The following PKIB variants were observed in gnomAD, a reference collection of about 807,000 sequenced individuals.
The protein encoded by PKIB is PKI-beta.
In PKIB, 2 loss-of-function variants were observed where a neutral mutation model predicts 4.5. The observed-to-expected ratio is 0.44, with a 90% CI of 0.18 to 1.39. PKIB has a LOEUF of 1.39. Ranked by LOEUF, PKIB falls within the 40% of genes most tolerant of loss-of-function variation. The pLI, the probability that PKIB is intolerant of heterozygous loss-of-function variation, is 0.27. For synonymous variants in PKIB, 38 were observed against 36.0 expected (o/e 1.06, Z -0.20); for missense variants, 94 against 92.6 (o/e 1.02, Z -0.06).
intron 2 of PKIB, among the ~76,000 whole-genome samples, chr6:122,504,528 A>G (rs77175665): frequency 6.6e-5 from 10 of 152,218 alleles, no homozygotes; most frequent in Admixed American, 2.6e-4. Context: ...ACTTGATGTC[A>G]GTCTCTCTGA....
chr6:122,564,313 C>G (rs1773118183), intron 2 of PKIB, among the ~76,000 whole-genome samples: 1 of 152,164 alleles, frequency 6.6e-6, no homozygotes, highest in South Asian at 2.1e-4. Context: ...CTTCTGCAAG[C>G]TGTTCTGTCC....
intron 2 of PKIB, among the ~76,000 whole-genome samples, chr6:122,576,689 A>AAAAAATATATATATATATAT (rs1345822382): frequency 1.2e-4 from 4 of 34,316 alleles, no homozygotes; most frequent in Non-Finnish European, 1.9e-4. Flanking sequence ...AAAAAAAAAA[A>AAAAAATATATATATATATAT]ATATATATAT....
intron 2 of PKIB, among the ~76,000 whole-genome samples, chr6:122,573,537 A>G (rs1468427130): frequency 6.8e-6 from 1 of 147,966 alleles, no homozygotes; most frequent in Non-Finnish European, 1.5e-5. Flanking sequence ...AAAAAAAAAA[A>G]GAAAAAGAAA....
intron 2 of PKIB, chr6:122,484,090 C>T (rs1423139628): frequency 1.3e-5 from 2 of 150,674 alleles, no homozygotes; most frequent in Admixed American, 6.6e-5. Flanking sequence ...GGAGAAGGGG[C>T]TTGGTAAACA....
intron 2 of PKIB, among the ~76,000 whole-genome samples, chr6:122,553,351 A>ATACTCAGTTTTCAG (rs1369096502): frequency 6.6e-6 from 1 of 152,152 alleles, no homozygotes; most frequent in Non-Finnish European, 1.5e-5. Flanking sequence ...CACCAACCGA[A>ATACTCAGTTTTCAG]TACTCAGTTT....
intron 3 of PKIB, among the ~76,000 whole-genome samples, chr6:122,587,217 C>T (rs2114718499): frequency 6.6e-6 from 1 of 152,210 alleles, no homozygotes; most frequent in African/African-American, 2.4e-5. Context: ...TGATGTTCCC[C>T]TTCCTGTGTC....
intron 2 of PKIB, among the ~76,000 whole-genome samples, chr6:122,569,627 A>T (rs1773299784): frequency 6.6e-6 from 1 of 152,186 alleles, no homozygotes; most frequent in South Asian, 2.1e-4. Flanking sequence ...CACTGCTGGG[A>T]GACTTGAAGA....
At chr6:122,626,632 A>C (rs1775456782) in intron 1 of PKIB, among the ~76,000 whole-genome samples, 1 of 152,250 alleles carries the variant, frequency 6.6e-6, no homozygotes, top group Non-Finnish European at 1.5e-5. Flanking sequence ...CATTCTGGAC[A>C]GATGAAGCAG....
intron 3 of PKIB, chr6:122,586,156 T>C (rs1177072716): frequency 2.6e-5 from 4 of 152,146 alleles, no homozygotes; most frequent in Non-Finnish European, 4.4e-5. Flanking sequence ...TTAAAAATCA[T>C]CTACTCAAGA....
upstream of PKIB, chr6:122,610,276 C>T (rs1274527179): frequency 6.6e-6 from 1 of 152,252 alleles, no homozygotes; most frequent in Non-Finnish European, 1.5e-5. Context: ...GATGCGGTGG[C>T]CCGGTTTGCA....
intron 3 of PKIB, chr6:122,701,338 C>A: frequency 2.2e-6 from 2 of 928,028 alleles, no homozygotes; most frequent in Non-Finnish European, 1.6e-6. Flanking sequence ...CAGTGACAGT[C>A]ACCAGGCTAG....
At chr6:122,506,761 G>A (rs577646024) in intron 2 of PKIB, among the ~76,000 whole-genome samples, 11 of 145,320 alleles carry the variant, frequency 7.6e-5, no homozygotes, top group Middle Eastern at 3.5e-3. Flanking sequence ...GTGCAGTGGC[G>A]CAATCTCGGC....
intron 3 of PKIB, among the ~76,000 whole-genome samples, chr6:122,589,449 G>C (rs560063636): frequency 7.9e-5 from 12 of 152,226 alleles, no homozygotes; most frequent in East Asian, 7.7e-4. Flanking sequence ...ATGTTAAACT[G>C]AGATAGAGAT....
intron 3 of PKIB, among the ~76,000 whole-genome samples, chr6:122,715,171 TGAA>T (rs1779432856): frequency 1.3e-5 from 2 of 152,064 alleles, no homozygotes; most frequent in Admixed American, 6.5e-5. Context: ...CCCATCTTGC[TGAA>T]GAAGTTTACC....
At chr6:122,590,990 T>C (rs1774000651) in intron 3 of PKIB, among the ~76,000 whole-genome samples, 1 of 151,990 alleles carries the variant, frequency 6.6e-6, no homozygotes, top group African/African-American at 2.4e-5. Context: ...TTGCTTATCA[T>C]GGAGTATCTT....
chr6:122,651,639 C>A (rs1008921475), intron 2 of PKIB, among the ~76,000 whole-genome samples: 1 of 152,156 alleles, frequency 6.6e-6, no homozygotes, highest in Non-Finnish European at 1.5e-5. Context: ...ATCAATCCTC[C>A]TACTTTAACA....
intron 1 of PKIB, among the ~76,000 whole-genome samples, chr6:122,472,968 C>T (rs758635690): frequency 2.0e-5 from 3 of 151,996 alleles, no homozygotes; most frequent in South Asian, 2.1e-4. Flanking sequence ...AAAAATTAGC[C>T]GGGCATGGTG....
chr6:122,591,554 A>T lies in PKIB; in HGVS notation c.-161+5547A>T, dbSNP rs9482256. On this transcript the variant is annotated intron_variant, in intron 3 of 6. Coordinates refer to the PKIB transcript ENST00000392491. Reference sequence around the variant, plus strand: ...ATTTAGCCAATGAGATTATTTTTGTATATTAGACTTCATTCAGTAGAATAG... The same window carrying T: ...ATTTAGCCAATGAGATTATTTTTGTTTATTAGACTTCATTCAGTAGAATAG... Among the ~76,000 whole-genome samples the T allele has an allele frequency of 5.8e-4, 88 of 152,208 alleles. 1 individual carries two copies. Among genetic ancestry groups the T allele is most frequent in the African/African-American group, 2.0e-3 (82 of 41,534 alleles).
At chr6:122,669,830 A>G (rs1468368176) in intron 2 of PKIB, among the ~76,000 whole-genome samples, 1 of 152,014 alleles carries the variant, frequency 6.6e-6, no homozygotes, top group African/African-American at 2.4e-5. Flanking sequence ...ACCACATTCC[A>G]TGGATTTTTC....
Sources: allele counts gnomAD v4.1 joint callset (sites outside exome capture counted in the v4.1 genomes callset), GRCh38; gene constraint gnomAD v4.1.1; transcripts MANE v1.5; gene names NCBI Gene and HGNC (gene_info 2026-07-23, HGNC 2026-07-21).